FRMD4A: variants seen among roughly 807,000 people sequenced by gnomAD.
The protein encoded by FRMD4A is FERM domain-containing protein 4A.
In FRMD4A, 29 loss-of-function variants were observed where a neutral mutation model predicts 129.1. That is an observed-to-expected ratio of 0.22 (90% CI 0.17 to 0.31). The LOEUF (loss-of-function observed/expected upper bound fraction) is 0.31. Among genes scored for constraint, FRMD4A ranks in the 10% least tolerant of loss-of-function variants. The pLI is 1.00. For synonymous variants in FRMD4A, 634 were observed against 571.6 expected (o/e 1.11, Z -1.56); for missense variants, 1,272 against 1,375.8 (o/e 0.92, Z 1.19).
intron 6 of FRMD4A, among the ~76,000 whole-genome samples, chr10:13,768,985 A>ATTT (rs10558942): frequency 9.7e-5 from 10 of 103,334 alleles, no homozygotes; most frequent in African/African-American, 3.8e-4. Flanking sequence ...ACTTTACTAG[A>ATTT]TTTTTTTTTT....
chr10:13,916,608 C>T (rs1039333416), intron 2 of FRMD4A, among the ~76,000 whole-genome samples: 1 of 152,170 alleles, frequency 6.6e-6, no homozygotes, highest in Non-Finnish European at 1.5e-5. Flanking sequence ...CAGTAACTTG[C>T]CTGAGGTTCC....
At chr10:14,162,641 G>GTTTTTTTTT (rs71388160) in intron 2 of FRMD4A, among the ~76,000 whole-genome samples, 22 of 118,386 alleles carry the variant, frequency 1.9e-4, no homozygotes, top group African/African-American at 2.8e-4. Context: ...TTTTTTTTTT[G>GTTTTTTTTT]TTTTTTTTTT....
At chr10:13,964,846 C>A (rs1371039427) in intron 2 of FRMD4A, among the ~76,000 whole-genome samples, 1 of 151,904 alleles carries the variant, frequency 6.6e-6, no homozygotes, top group Non-Finnish European at 1.5e-5. Flanking sequence ...CCATCACAGC[C>A]AGCTGATTTT....
intron 2 of FRMD4A, among the ~76,000 whole-genome samples, chr10:14,078,234 C>T (rs535495430): frequency 1.3e-5 from 2 of 152,306 alleles, no homozygotes; most frequent in Non-Finnish European, 2.9e-5. Flanking sequence ...GCAACATTCT[C>T]ATGGCCATTC....
intron 2 of FRMD4A, among the ~76,000 whole-genome samples, chr10:14,126,633 C>G (rs1465333305): frequency 6.6e-6 from 1 of 152,178 alleles, no homozygotes. Flanking sequence ...TACGTCTTCC[C>G]TTTAGTTAGC....
chr10:13,657,787 G>GT (rs1204181870), intron 21 of FRMD4A, among the ~76,000 whole-genome samples: 7 of 111,028 alleles, frequency 6.3e-5, no homozygotes, highest in South Asian at 6.3e-4. Context: ...TCGATTTCTG[G>GT]GTTTTTTTTT....
chr10:13,758,256 CT>C (rs1249960941), intron 8 of FRMD4A, among the ~76,000 whole-genome samples: 1 of 152,092 alleles, frequency 6.6e-6, no homozygotes, highest in Non-Finnish European at 1.5e-5. Flanking sequence ...GTTACTTTAT[CT>C]TTTGTGTGTG....
At chr10:14,008,065 C>T (rs931431520) in intron 2 of FRMD4A, 3 of 1,303,548 alleles carry the variant, frequency 2.3e-6, no homozygotes, top group Non-Finnish European at 3.0e-6. Flanking sequence ...CTTACCCTTT[C>T]AACGCTGCGC....
chr10:13,889,537 C>T (rs982159761), intron 2 of FRMD4A, among the ~76,000 whole-genome samples: 3 of 152,312 alleles, frequency 2.0e-5, no homozygotes, highest in African/African-American at 7.2e-5. Context: ...GCACCAGCCA[C>T]CTGCCAGGTT....
chr10:13,912,876 C>A (rs2094958166), intron 2 of FRMD4A, among the ~76,000 whole-genome samples: 1 of 151,688 alleles, frequency 6.6e-6, no homozygotes, highest in African/African-American at 2.4e-5. Context: ...GAGTTCGAGA[C>A]CATCCTGACC....
chr10:13,713,964 A>C (rs868227280), intron 12 of FRMD4A, among the ~76,000 whole-genome samples: 49 of 72,602 alleles, frequency 6.7e-4, no homozygotes, highest in South Asian at 4.8e-3. Context: ...CACATATATA[A>C]TATATACATA....
chr10:14,040,738 G>A lies in FRMD4A; in HGVS notation c.46-181826C>T, dbSNP rs1425352772. Among the ~76,000 whole-genome samples the A allele has an allele frequency of 5.9e-5, 6 of 101,696 alleles. No individual in the cohort carries two copies. The South Asian group carries it at 2.1e-3, about 35-fold the overall frequency. 66.7% of individuals were successfully genotyped at this position (101,696 alleles called of 152,430 possible). On this transcript the variant is annotated intron_variant, in intron 2 of 24. Transcript: ENST00000357447. ...TCCTCAGAAACCATAGACTGTCTCA[G>A]TTTCTCCTTCCCTCTCTGCAAATGT... is the stretch of plus-strand genomic sequence containing the variant.
At chr10:13,724,268 G>C (rs1338896962) in intron 12 of FRMD4A, among the ~76,000 whole-genome samples, 1 of 152,084 alleles carries the variant, frequency 6.6e-6, no homozygotes, top group African/African-American at 2.4e-5. Flanking sequence ...GGCGCCTGTA[G>C]TCCCAGCTAC....
chr10:13,907,764 C>A (rs2094897582), intron 2 of FRMD4A, among the ~76,000 whole-genome samples: 1 of 151,628 alleles, frequency 6.6e-6, no homozygotes, highest in African/African-American at 2.4e-5. Flanking sequence ...GCTGCTAGAT[C>A]AAATATTTAC....
At chr10:13,985,032 TGC>T (rs1178427363) in intron 2 of FRMD4A, among the ~76,000 whole-genome samples, 1 of 152,236 alleles carries the variant, frequency 6.6e-6, no homozygotes, top group Non-Finnish European at 1.5e-5. Flanking sequence ...CCCACAGACA[TGC>T]CTGCTGACAT....
chr10:14,261,981 CA>C (rs1844820583), intron 2 of FRMD4A, among the ~76,000 whole-genome samples: 1 of 142,454 alleles, frequency 7.0e-6, no homozygotes, highest in African/African-American at 2.6e-5. Context: ...CACACACACA[CA>C]CACACCTCAT....
chr10:13,958,722 A>AT (rs1258751034), intron 2 of FRMD4A, among the ~76,000 whole-genome samples: 1 of 151,600 alleles, frequency 6.6e-6, no homozygotes, highest in African/African-American at 2.4e-5. Flanking sequence ...AGGAGCTGGG[A>AT]TTACAGGCAT....
At chr10:14,278,628 T>G (rs947839799) in intron 2 of FRMD4A, among the ~76,000 whole-genome samples, 1 of 152,028 alleles carries the variant, frequency 6.6e-6, no homozygotes, top group African/African-American at 2.4e-5. Flanking sequence ...AAGCGGCACG[T>G]GTTAGGTGGT....
At chr10:13,707,218 AACAG>A in intron 12 of FRMD4A, 105 bp from the exon 13 acceptor site, 1 of 852,042 alleles carries the variant, frequency 1.2e-6, no homozygotes, top group Admixed American at 2.0e-5. Flanking sequence ...TCCTTATCAA[AACAG>A]AGACCGTAGT....
Sources: gnomAD v4.1 joint callset for allele counts (sites outside exome capture counted in the v4.1 genomes callset) on GRCh38, gnomAD v4.1.1 for gene constraint, MANE v1.5 for transcripts, NCBI Gene and HGNC (gene_info 2026-07-23, HGNC 2026-07-21) for gene names.